TAF4B: variants seen among roughly 807,000 people sequenced by gnomAD.
The protein encoded by TAF4B is TATA-box binding protein associated factor 4b, also known as transcription initiation factor TFIID subunit 4B.
In TAF4B, 38 loss-of-function variants were observed where a neutral mutation model predicts 86.4. The ratio of observed to expected loss-of-function variants is 0.44; its 90% CI spans 0.34 to 0.58. The LOEUF (loss-of-function observed/expected upper bound fraction) is 0.58, where lower values mean the gene tolerates loss of function less well. Ranked by LOEUF, TAF4B falls within the 20% of genes least tolerant of loss-of-function variation. The probability of loss-of-function intolerance (pLI) is 0.02; values close to 1 mark genes in which losing one functional copy is unlikely to be tolerated. For synonymous variants in TAF4B, 388 were observed against 391.2 expected (o/e 0.99, Z 0.10); for missense variants, 988 against 1,027.6 (o/e 0.96, Z 0.53).
Position 26,365,897 on chromosome 18 carries a change from C to A in TAF4B, c.2421+8103C>A, listed in dbSNP as rs188366530. Among the ~76,000 whole-genome samples, 154 of 152,252 alleles carry A rather than the reference C, an allele frequency of 1.0e-3. 2 individuals carry two copies. The highest frequency in any genetic ancestry group is 7.9e-3 in the Admixed American group (121 of 15,292). On this transcript the variant is annotated intron_variant, in intron 14 of 14. Coordinates refer to ENST00000269142, the MANE Select transcript of TAF4B (RefSeq NM_005640.3). ...CTCCACCTCCCAGGCTCATGCCATCCTTCCGCCTCAGCCTCCTGAGTAACT... is the reference window on the plus strand; with the variant it reads ...CTCCACCTCCCAGGCTCATGCCATCATTCCGCCTCAGCCTCCTGAGTAACT...
rs780504269 is a variant in TAF4B, at chr18:26,267,643, C to T, written c.597+20C>T. On this transcript the variant is annotated intron_variant, in intron 3 of 14. Transcript: ENST00000269142. ...GTACAAGTAAGTTGTGCTGGCCATT[C>T]GTGCACTTGTTGTTCTCTTAACTTT... 15 of 1,527,234 alleles carry T rather than the reference C, an allele frequency of 9.8e-6. No individual in the cohort carries two copies. The highest frequency in any genetic ancestry group is 9.0e-5 in the East Asian group (4 of 44,238). The allele number at this position is 1,527,234 out of a possible 1,614,324, so 94.6% of individuals were successfully genotyped here.
intron 1 of TAF4B, among the ~76,000 whole-genome samples, chr18:26,245,202 G>A (rs985710161): frequency 6.6e-6 from 1 of 152,148 alleles, no homozygotes; most frequent in African/African-American, 2.4e-5. Context: ...AGAATAGCAA[G>A]CAAAAGGGGT....
At chr18:26,286,746 C>T (rs1412850625) in intron 7 of TAF4B, among the ~76,000 whole-genome samples, 4 of 151,998 alleles carry the variant, frequency 2.6e-5, no homozygotes, top group East Asian at 3.9e-4. Context: ...TGCAGTGGCA[C>T]GATCTCGGCT....
chr18:26,346,168 C>A (rs1044207535), intron 13 of TAF4B, among the ~76,000 whole-genome samples: 1 of 151,932 alleles, frequency 6.6e-6, no homozygotes, highest in Non-Finnish European at 1.5e-5. Context: ...AGATAGATAT[C>A]GTAATAAAGA....
intron 13 of TAF4B, 26 bp downstream of exon 13, chr18:26,335,257 G>T (rs763967869): frequency 6.2e-7 from 1 of 1,607,236 alleles, no homozygotes; most frequent in East Asian, 2.2e-5. Flanking sequence ...TACCATGCTT[G>T]TCTTTGTGTT....
At chr18:26,389,776 T>C in intron 14 of TAF4B, 69 bp from the exon 15 acceptor site, 1 of 1,533,604 alleles carries the variant, frequency 6.5e-7, no homozygotes, top group East Asian at 2.3e-5. Context: ...TCTGACATGC[T>C]AGAATTGACA....
At chr18:26,259,725 A>G (rs2056137629) in intron 1 of TAF4B, among the ~76,000 whole-genome samples, 1 of 152,196 alleles carries the variant, frequency 6.6e-6, no homozygotes, top group Non-Finnish European at 1.5e-5. Flanking sequence ...GCTATTGTGA[A>G]TAGTGCCGCA....
chr18:26,326,372 A>G (rs56322765), intron 11 of TAF4B, among the ~76,000 whole-genome samples: 17,179 of 152,270 alleles, frequency 0.11, 994 homozygotes, highest in Middle Eastern at 0.14. Context: ...TCATTTATAA[A>G]TTGTATACTA....
At chr18:26,310,814 A>G (rs971230731) in intron 9 of TAF4B, among the ~76,000 whole-genome samples, 4 of 151,892 alleles carry the variant, frequency 2.6e-5, no homozygotes, top group Admixed American at 6.6e-5. Flanking sequence ...TCAGTTTCTT[A>G]TGTATTGTTC....
chr18:26,354,604 G>A (rs2057271695), intron 13 of TAF4B, among the ~76,000 whole-genome samples: 1 of 152,180 alleles, frequency 6.6e-6, no homozygotes, highest in South Asian at 2.1e-4. Context: ...TTTAGGCCAA[G>A]GTTCAGGCCT....
intron 9 of TAF4B, among the ~76,000 whole-genome samples, chr18:26,308,488 T>C (rs1428192839): frequency 1.3e-5 from 2 of 152,188 alleles, no homozygotes; most frequent in Non-Finnish European, 2.9e-5. Flanking sequence ...GGGCATATCT[T>C]ATTTATTTGT....
At chr18:26,329,747 AG>A (rs1486432823) in intron 12 of TAF4B, among the ~76,000 whole-genome samples, 1 of 152,196 alleles carries the variant, frequency 6.6e-6, no homozygotes, top group East Asian at 1.9e-4. Context: ...TCATTTCAAA[AG>A]GGTCATATTG....
chr18:26,239,206 A>G (rs1265293137), intron 1 of TAF4B, among the ~76,000 whole-genome samples: 21 of 152,204 alleles, frequency 1.4e-4, no homozygotes, highest in Non-Finnish European at 1.8e-4. Context: ...ATTCCCACCA[A>G]CAGTGTAAAA....
chr18:26,377,698 T>A (rs1434687900), intron 14 of TAF4B, among the ~76,000 whole-genome samples: 4 of 152,208 alleles, frequency 2.6e-5, no homozygotes, highest in Non-Finnish European at 5.9e-5. Context: ...CCCAGTATTA[T>A]ACGTAAATGG....
chr18:26,274,477 G>C (rs1046005789), intron 3 of TAF4B, among the ~76,000 whole-genome samples, 186 bp from the exon 4 acceptor site: 4 of 152,106 alleles, frequency 2.6e-5, no homozygotes, highest in Non-Finnish European at 4.4e-5. Context: ...AGTAGATGGG[G>C]TGAGAATGAA....
At chr18:26,286,960 A>G (rs368367647) in intron 7 of TAF4B, among the ~76,000 whole-genome samples, 5 of 152,224 alleles carry the variant, frequency 3.3e-5, no homozygotes. Context: ...CTGGGATTAC[A>G]GACAGGCAAT....
chr18:26,378,600 G>A lies in TAF4B; in HGVS notation c.2422-11245G>A, dbSNP rs572622954. Among the ~76,000 whole-genome samples the A allele has an allele frequency of 9.6e-4, 146 of 152,110 alleles. 1 individual carries two copies. Among genetic ancestry groups the A allele is most frequent in the African/African-American group, 3.2e-3 (134 of 41,494 alleles). Reference sequence around the variant, plus strand: ...ACTTTGCATTTGCTTTTCAGATTGAGGTATAATTTATATACAATAGAATGT... The same window carrying A: ...ACTTTGCATTTGCTTTTCAGATTGAAGTATAATTTATATACAATAGAATGT... On this transcript the variant is annotated intron_variant, in intron 14 of 14. Transcript: ENST00000269142.
At chr18:26,296,465 C>G (rs1437222007) in intron 9 of TAF4B, among the ~76,000 whole-genome samples, 1 of 141,146 alleles carries the variant, frequency 7.1e-6, no homozygotes, top group Non-Finnish European at 1.5e-5. Context: ...TTGCCTGTAG[C>G]AAGCCTTGAG....
chr18:26,385,424 G>A (rs1248590967), intron 14 of TAF4B, among the ~76,000 whole-genome samples: 2 of 152,142 alleles, frequency 1.3e-5, no homozygotes, highest in Admixed American at 6.6e-5. Flanking sequence ...TTAGTGGGCT[G>A]GGTAACATTA....
Sources: gnomAD v4.1 joint callset for allele counts (sites outside exome capture counted in the v4.1 genomes callset) on GRCh38, gnomAD v4.1.1 for gene constraint, MANE v1.5 for transcripts, NCBI Gene and HGNC (gene_info 2026-07-23, HGNC 2026-07-21) for gene names.